Variants in LTF observed in about 807,000 individuals in gnomAD.
The protein encoded by LTF is epididymis luminal protein 110.
In LTF, 91 loss-of-function variants were observed where a neutral mutation model predicts 87.2. That is an observed-to-expected ratio of 1.04 (90% confidence interval 0.88 to 1.24). The LOEUF is 1.24. LTF is among the 50% of genes most tolerant of loss of function. The probability of loss-of-function intolerance (pLI) is 0.00; values close to 1 mark genes in which losing one functional copy is unlikely to be tolerated. For missense variants in LTF, 901 were observed against 904.3 expected, an observed-to-expected ratio of 1.00 and a Z score of 0.05; for synonymous variants, 378 against 356.1, an observed-to-expected ratio of 1.06 and a Z score of -0.69.
Position 46,482,720 on chromosome 3 carries a change from A to G in LTF, c.-320+2266T>C, listed in dbSNP as rs202127924. On this transcript the variant is annotated intron_variant, in intron 1 of 19. Coordinates refer to the LTF transcript ENST00000443496. ...GGAAGGAAGGAAAGAAAGAAAGAGA[A>G]AGAAAGGAAGGAAGGAAGGAAGGAA... Among the ~76,000 whole-genome samples the G allele has an allele frequency of 1.5e-3, 145 of 96,584 alleles. 6 individuals carry two copies. Among genetic ancestry groups the G allele is most frequent in the African/African-American group, 6.1e-3 (132 of 21,712 alleles). 63.4% of individuals were successfully genotyped at this position (96,584 alleles called of 152,430 possible).
At chr3:46,459,082 A>G (rs1316270358) in intron 2 of LTF, among the ~76,000 whole-genome samples, 1 of 152,246 alleles carries the variant, frequency 6.6e-6, no homozygotes, top group Non-Finnish European at 1.5e-5. Context: ...CACAGAATAT[A>G]TTTGTTGAAT....
At chr3:46,449,243 C>T (rs2106861057) in intron 8 of LTF, among the ~76,000 whole-genome samples, 1 of 152,326 alleles carries the variant, frequency 6.6e-6, no homozygotes, top group South Asian at 2.1e-4. Context: ...TGGAGAAGTT[C>T]CCTGGCTTCT....
chr3:46,466,239 C>T (rs564239446), upstream of LTF, among the ~76,000 whole-genome samples: 338 of 151,128 alleles, frequency 2.2e-3, no homozygotes, highest in Non-Finnish European at 4.1e-3. Flanking sequence ...GACTCTGTAA[C>T]CCCCACCAAA....
chr3:46,459,760 C>T lies in LTF; in HGVS notation c.103G>A (p.Ala35Thr). The T allele has an allele frequency of 6.4e-7, 1 of 1,573,712 alleles. No individual in the cohort carries two copies. Among genetic ancestry groups the T allele is most frequent in the Non-Finnish European group, 8.6e-7 (1 of 1,166,228 alleles). The change falls in exon 2 of 17, where the codon GCC (alanine) becomes ACC (threonine). Residue 35 changes from alanine to threonine, a missense_variant. Physicochemically the swap from Ala to Thr is moderately conservative, Grantham distance 58. Coordinates refer to ENST00000231751, the MANE Select transcript of LTF (RefSeq NM_002343.6). Reference protein sequence around the residue: ...VQWCAVSQPEATKCFQWQRNM... With the variant: ...VQWCAVSQPETTKCFQWQRNM... Reference sequence around the variant, plus strand: ...CTTTGCCATTGGAAGCATTTTGTGGCCTCGGGTTGGGATACGGCGCACCAC... The same window carrying T: ...CTTTGCCATTGGAAGCATTTTGTGGTCTCGGGTTGGGATACGGCGCACCAC...
intron 1 of LTF, among the ~76,000 whole-genome samples, chr3:46,472,228 G>A (rs1703300188): frequency 6.6e-6 from 1 of 151,956 alleles, no homozygotes; most frequent in South Asian, 2.1e-4. Context: ...GGTATTTATA[G>A]TGTGTGTTTT....
intron 8 of LTF, among the ~76,000 whole-genome samples, 194 bp downstream of exon 8, chr3:46,449,660 C>T (rs1559598637): frequency 6.6e-6 from 1 of 152,252 alleles, no homozygotes; most frequent in Non-Finnish European, 1.5e-5. Context: ...GCCTGACGTG[C>T]ACTGATCAGG....
chr3:46,481,302 G>A (rs1198073635), intron 1 of LTF, among the ~76,000 whole-genome samples: 1 of 152,182 alleles, frequency 6.6e-6, no homozygotes, highest in East Asian at 1.9e-4. Flanking sequence ...TAGCTTTAAT[G>A]TCCAGGAAAC....
rs61740461 is a variant in LTF, at chr3:46,459,818, T to C, written c.45A>G (p.Gly15=). ...FLVLLFLGAL[G]LCLAGRRRSV... ...TCCTCCTACGGCCAGCCAGACACAG[T>C]CCTGGGAGAGAGGGGCCAAGGAGTA... Residue 15 remains glycine, a splice_region_variant and synonymous_variant, in exon 2 of 17, where the codon GGA becomes GGG. Transcript: ENST00000231751. The C allele has an allele frequency of 0.01, 15,981 of 1,535,422 alleles. 1,503 individuals are homozygous for C. In the African/African-American group the frequency reaches 0.2, roughly 19 times the overall value.
At chr3:46,463,516 C>T (rs1250540280) in intron 1 of LTF, 4 of 985,440 alleles carry the variant, frequency 4.1e-6, no homozygotes, top group Non-Finnish European at 4.8e-6. Context: ...ACCCTTTCCT[C>T]AGGAAGGACA....
upstream of LTF, chr3:46,464,933 T>C: frequency 2.0e-6 from 3 of 1,532,416 alleles, no homozygotes; most frequent in South Asian, 2.3e-5. Flanking sequence ...TGCGCCCCTT[T>C]ATTCAGGGCT....
intron 1 of LTF, among the ~76,000 whole-genome samples, chr3:46,473,220 T>A (rs894715913): frequency 6.6e-6 from 1 of 152,112 alleles, no homozygotes; most frequent in African/African-American, 2.4e-5. Context: ...TTCTTGCCCT[T>A]CCTCTCTTCT....
At chr3:46,464,794 G>A (rs1317518133) in intron 1 of LTF, 31 bp downstream of exon 1, 4 of 1,613,358 alleles carry the variant, frequency 2.5e-6, no homozygotes, top group Middle Eastern at 1.7e-4. Context: ...CGCCCATCAG[G>A]CGGCTCGCGC....
In LTF at chr3:46,450,683, A is replaced by G; in HGVS notation, c.704-10T>C. On this transcript the variant is annotated splice_polypyrimidine_tract_variant and intron_variant, in intron 6 of 16. Coordinates refer to ENST00000231751, the MANE Select transcript of LTF (RefSeq NM_002343.6). The stretch of plus-strand genomic sequence containing the variant: ...TCGTCTGACAGGTCCTCTGCAGGGA[A>G]GGTGAGGTGGGAGGGAGTCTAGATA... 1.2e-6 allele frequency: 2 copies of G among 1,604,104 alleles called. No individual in the cohort carries two copies.
intron 4 of LTF, 92 bp from the exon 5 acceptor site, chr3:46,455,534 C>G: frequency 1.4e-6 from 2 of 1,477,288 alleles, no homozygotes; most frequent in South Asian, 1.2e-5. Flanking sequence ...GTGGGCAAGG[C>G]CCCTTCCTCC....
chr3:46,459,959 C>A, intron 1 of LTF, 140 bp from the exon 2 acceptor site: 1 of 529,486 alleles, frequency 1.9e-6, no homozygotes, highest in Non-Finnish European at 3.1e-6. Flanking sequence ...TATGTCCAGC[C>A]ATTCTCCACA....
At chr3:46,440,787 T>C (rs1702497811) in intron 14 of LTF, among the ~76,000 whole-genome samples, 1 of 152,130 alleles carries the variant, frequency 6.6e-6, no homozygotes, top group Non-Finnish European at 1.5e-5. Context: ...CTGCTGAGAC[T>C]TGGGGGTTGG....
chr3:46,448,890 G>T lies in LTF; in HGVS notation c.1185C>A (p.Thr395=). 1.2e-6 allele frequency: 2 copies of T among 1,613,636 alleles called. No homozygotes were observed. The highest frequency in any genetic ancestry group is 1.7e-6 in the Non-Finnish European group (2 of 1,179,874). The change falls in exon 9 of 17, where the codon ACC becomes ACA. Residue 395 remains threonine (T), a synonymous_variant. Transcript: ENST00000231751. ...EGSVTCSSAS[T]TEDCIALVLK... ...GCACCAGGGCGATGCAGTCCTCTGT[G>T]GTGGAGGCCGAGGAGCAGGTCACGC...
At chr3:46,465,847 A>G (rs1281870992), upstream of LTF, among the ~76,000 whole-genome samples, 1 of 152,226 alleles carries the variant, frequency 6.6e-6, no homozygotes, top group Non-Finnish European at 1.5e-5. Flanking sequence ...CAAACTAAAC[A>G]TCCATCTCTA....
upstream of LTF, among the ~76,000 whole-genome samples, chr3:46,466,047 T>C (rs535121172): frequency 6.6e-6 from 1 of 152,260 alleles, no homozygotes; most frequent in South Asian, 2.1e-4. Context: ...AAGACTAGCC[T>C]GGGCAACATA....
Sources: gnomAD v4.1 joint callset for allele counts (sites outside exome capture counted in the v4.1 genomes callset) on GRCh38, gnomAD v4.1.1 for gene constraint, MANE v1.5 for transcripts, NCBI Gene and HGNC (gene_info 2026-07-23, HGNC 2026-07-21) for gene names.